The following SAMD7 variants were observed in gnomAD, a reference collection of about 807,000 sequenced individuals.
SAMD7 encodes the protein sterile alpha motif domain containing 7, also known as sterile alpha motif domain-containing protein 7.
Under a neutral mutation model 36.7 loss-of-function variants are expected in SAMD7, and 34 were observed. That is an observed-to-expected ratio of 0.93 (90% CI 0.71 to 1.23). SAMD7 has a LOEUF of 1.23. SAMD7 is among the 50% of genes most tolerant of loss of function. The probability of loss-of-function intolerance (pLI) is 0.00; values close to 1 mark genes in which losing one functional copy is unlikely to be tolerated. For missense variants in SAMD7, 570 were observed against 546.6 expected (o/e 1.04, Z -0.43); for synonymous variants, 188 against 189.7 (o/e 0.99, Z 0.07).
chr3:169,921,298 C>T lies in SAMD7; in HGVS notation c.171C>T (p.Asn57=). The T allele has an allele frequency of 6.2e-7, 1 of 1,614,134 alleles. No homozygotes were observed. The highest frequency in any genetic ancestry group is 8.5e-7 in the Non-Finnish European group (1 of 1,179,962). The change falls in exon 4 of 9, where the codon AAC becomes AAT. Residue 57 remains asparagine, a synonymous_variant. Coordinates refer to ENST00000335556, the MANE Select transcript of SAMD7 (RefSeq NM_001304366.2). ...PSQFGSSVLP[N]TNMANVLSSR... ...AATTTGGATCCTCTGTTCTACCAAA[C>T]ACAAATATGGCAAATGTGTTGTCCA...
Position 169,928,467 on chromosome 3 carries a change from A to G in SAMD7, c.930A>G (p.Ala310=), listed in dbSNP as rs571772630. The change falls in exon 7 of 9, where the codon GCA becomes GCG. Residue 310 remains alanine, a synonymous_variant. Coordinates refer to ENST00000335556, the MANE Select transcript of SAMD7 (RefSeq NM_001304366.2). Reference sequence around the variant, plus strand: ...CTTTCCATTTTAAAGGAACACATGCACTGGTTACAATTGGGGGGAATCTTT... The same window carrying G: ...CTTTCCATTTTAAAGGAACACATGCGCTGGTTACAATTGGGGGGAATCTTT... ...VPRPSLPGTH[A]LVTIGGNLSL... 1.2e-5 allele frequency: 19 copies of G among 1,612,048 alleles called. No individual in the cohort carries two copies. The East Asian group carries it at 4.0e-4, about 34-fold the overall frequency.
At chr3:169,928,793 G>A (rs1713374566) in intron 7 of SAMD7, among the ~76,000 whole-genome samples, 1 of 152,162 alleles carries the variant, frequency 6.6e-6, no homozygotes, top group African/African-American at 2.4e-5. Context: ...GAAAGCCATT[G>A]TCTGTCTTTA....
chr3:169,933,472 A>G (rs1286907982), intron 7 of SAMD7, among the ~76,000 whole-genome samples: 1 of 152,206 alleles, frequency 6.6e-6, no homozygotes, highest in Non-Finnish European at 1.5e-5. Context: ...GCAATTGCCC[A>G]TTCTAGCAAT....
chr3:169,935,609 T>C (rs1713689594), intron 7 of SAMD7, among the ~76,000 whole-genome samples: 2 of 152,134 alleles, frequency 1.3e-5, no homozygotes, highest in Non-Finnish European at 2.9e-5. Context: ...AGGGTGGAGA[T>C]AGCTTGAAAT....
rs908034901 is a variant in SAMD7, at chr3:169,932,692, G to A, written c.1042-3647G>A. On this transcript the variant is annotated intron_variant, in intron 7 of 8. Coordinates refer to ENST00000335556, the MANE Select transcript of SAMD7 (RefSeq NM_001304366.2). The stretch of plus-strand genomic sequence containing the variant: ...TCACACTTTGGCTTCCAGATGTGTG[G>A]CCTCTCCAGAAACACTGACACCCGT... The A allele has an allele frequency of 1.4e-5, 8 of 556,432 alleles. No homozygotes were observed. In the African/African-American group the frequency reaches 1.5e-4, roughly 11 times the overall value. 34.5% of individuals were successfully genotyped at this position (556,432 alleles called of 1,614,324 possible). A position where few individuals can be genotyped will look rare whatever the true frequency, so the allele number is the denominator to read the frequency against.
chr3:169,918,048 C>T (rs188359603), intron 2 of SAMD7, among the ~76,000 whole-genome samples: 1 of 152,284 alleles, frequency 6.6e-6, no homozygotes, highest in East Asian at 1.9e-4. Flanking sequence ...AGCAATTCTC[C>T]TGCCTCAGCC....
intron 4 of SAMD7, among the ~76,000 whole-genome samples, chr3:169,921,748 A>G (rs1388160854): frequency 6.6e-6 from 1 of 152,224 alleles, no homozygotes; most frequent in African/African-American, 2.4e-5. Flanking sequence ...GCAAAAGAGC[A>G]ACATGGTCTG....
At chr3:169,921,706 T>A (rs905564958) in intron 4 of SAMD7, among the ~76,000 whole-genome samples, 2 of 152,186 alleles carry the variant, frequency 1.3e-5, no homozygotes, top group African/African-American at 4.8e-5. Flanking sequence ...GCTTTTATTC[T>A]GAGTAAAAAG....
chr3:169,919,672 A>G (rs1378635153), intron 3 of SAMD7, 88 bp downstream of exon 3: 5 of 1,059,512 alleles, frequency 4.7e-6, no homozygotes, highest in Admixed American at 1.7e-5. Flanking sequence ...GTGTTGTTTT[A>G]TTGCCTAATA....
At chr3:169,917,863 G>A (rs954630848) in intron 2 of SAMD7, among the ~76,000 whole-genome samples, 2 of 151,922 alleles carry the variant, frequency 1.3e-5, no homozygotes, top group Non-Finnish European at 2.9e-5. Flanking sequence ...GGCTGGTCTC[G>A]ATCTCCTGAC....
intron 1 of SAMD7, among the ~76,000 whole-genome samples, chr3:169,914,454 T>C (rs1056801282): frequency 4.3e-4 from 65 of 152,208 alleles, no homozygotes; most frequent in African/African-American, 1.5e-3. Flanking sequence ...AGCCCAGAAC[T>C]GTAACACACA....
Position 169,927,094 on chromosome 3 carries a change from G to A in SAMD7, c.832G>A (p.Gly278Arg), listed in dbSNP as rs1713299399. 4 of 1,596,734 alleles carry A rather than the reference G, an allele frequency of 2.5e-6. No individual in the cohort carries two copies. In the African/African-American group the frequency reaches 4.1e-5, roughly 16 times the overall value. Residue 278 changes from glycine to arginine, a missense_variant, in exon 6 of 9, where the codon GGG becomes AGG. Transcript: ENST00000335556. Reference protein sequence around the residue: ...TTLKAKAWDDGKEEASEQIFA... With the variant: ...TTLKAKAWDDRKEEASEQIFA... ...CCTGAAAGCAAAGGCCTGGGACGATGGGAAAGAGGAGGCTTCGGAGCAGAT... is the reference window on the plus strand; with the variant it reads ...CCTGAAAGCAAAGGCCTGGGACGATAGGAAAGAGGAGGCTTCGGAGCAGAT...
At position 169,929,210 on chromosome 3, in the gene SAMD7, G is replaced by A. The variant is rs529613798; in HGVS notation, c.1041+632G>A. 2.0e-5 allele frequency among the ~76,000 whole-genome samples: 3 copies of A among 152,226 alleles called. No homozygotes were observed. In the South Asian group the frequency reaches 6.2e-4, roughly 32 times the overall value. ...GAAAAATTTGTGACAAAAGTCATAGGTTGGTAAAATTTTGAAGTTTATGTC... is the reference window on the plus strand; with the variant it reads ...GAAAAATTTGTGACAAAAGTCATAGATTGGTAAAATTTTGAAGTTTATGTC... On this transcript the variant is annotated intron_variant, in intron 7 of 8. Transcript: ENST00000335556.
chr3:169,921,391 G>A, intron 4 of SAMD7, 53 bp downstream of exon 4: 1 of 1,572,850 alleles, frequency 6.4e-7, no homozygotes. Context: ...TGAACTGGAT[G>A]GATGCATTAA....
rs76553134 is a variant in SAMD7 at position 169,924,953 on chromosome 3, T to G, written c.212-105T>G. ...ATTGTGCGCAATTGCTGGTTTGTTT[T>G]TTTTTTTTCAGATACTGTTTTACAT... On this transcript the variant is annotated intron_variant, in intron 4 of 8. Coordinates refer to ENST00000335556, the MANE Select transcript of SAMD7 (RefSeq NM_001304366.2). 1,810 of 756,554 alleles carry G rather than the reference T, an allele frequency of 2.4e-3. 20 individuals carry two copies. Among genetic ancestry groups the G allele is most frequent in the African/African-American group, 0.022 (1,202 of 55,568 alleles). 46.9% of individuals were successfully genotyped at this position (756,554 alleles called of 1,614,324 possible).
chr3:169,921,355 T>G lies in SAMD7; in HGVS notation c.211+17T>G. On this transcript the variant is annotated intron_variant, in intron 4 of 8. Coordinates refer to ENST00000335556, the MANE Select transcript of SAMD7 (RefSeq NM_001304366.2). ...TCTACCCAGGTATGAGCAATAGAAGTTTGGCTCTCATCTGTGGAGTCATTT... is the reference window on the plus strand; with the variant it reads ...TCTACCCAGGTATGAGCAATAGAAGGTTGGCTCTCATCTGTGGAGTCATTT... 1 of 1,611,600 alleles carries G rather than the reference T, an allele frequency of 6.2e-7. No homozygotes were observed. The highest frequency in any genetic ancestry group is 1.7e-4 in the Middle Eastern group (1 of 6,054).
At chr3:169,933,012 G>A (rs1319363906) in intron 7 of SAMD7, 4 of 756,052 alleles carry the variant, frequency 5.3e-6, no homozygotes, top group Admixed American at 1.7e-5. Flanking sequence ...CATCACTCAG[G>A]TGTCTACCTG....
intron 1 of SAMD7, among the ~76,000 whole-genome samples, chr3:169,912,709 C>G (rs1012133684): frequency 5.9e-5 from 9 of 152,180 alleles, no homozygotes; most frequent in African/African-American, 2.2e-4. Context: ...GCAGCCAGCA[C>G]GTAACCCACT....
intron 6 of SAMD7, among the ~76,000 whole-genome samples, chr3:169,927,631 T>G (rs544795416): frequency 1.3e-5 from 2 of 152,236 alleles, no homozygotes; most frequent in South Asian, 4.1e-4. Flanking sequence ...TGGAATTACC[T>G]TCTCTTAGCA....
Sources: allele counts gnomAD v4.1 joint callset (sites outside exome capture counted in the v4.1 genomes callset), GRCh38; gene constraint gnomAD v4.1.1; transcripts MANE v1.5; gene names NCBI Gene and HGNC (gene_info 2026-07-23, HGNC 2026-07-21).